The following TTLL5 variants were observed in gnomAD, a reference collection of about 807,000 sequenced individuals.
TTLL5 encodes the protein tubulin polyglutamylase TTLL5.
A neutral mutation model predicts 168.4 loss-of-function variants in TTLL5; 132 were observed. That is an observed-to-expected ratio of 0.78 (90% CI 0.68 to 0.91). The LOEUF (loss-of-function observed/expected upper bound fraction) is 0.91. TTLL5 is among the 40% of genes least tolerant of loss of function. The pLI is 0.00. For missense variants in TTLL5, 1,545 were observed against 1,581.5 expected, an observed-to-expected ratio of 0.98 and a Z score of 0.39; for synonymous variants, 546 against 558.6, an observed-to-expected ratio of 0.98 and a Z score of 0.32.
chr14:75,769,923 A>G (rs1349611701), intron 20 of TTLL5, among the ~76,000 whole-genome samples: 1 of 152,126 alleles, frequency 6.6e-6, no homozygotes, highest in Non-Finnish European at 1.5e-5. Flanking sequence ...TCATGCCTGT[A>G]ATCCCAGCAC....
chr14:75,935,092 T>C (rs2034395211), intron 31 of TTLL5, among the ~76,000 whole-genome samples: 1 of 152,226 alleles, frequency 6.6e-6, no homozygotes, highest in Admixed American at 6.5e-5. Context: ...TTTGTGGTGA[T>C]AGTGAGCTGA....
chr14:75,908,690 CT>C (rs1368199597), intron 31 of TTLL5, among the ~76,000 whole-genome samples: 3 of 152,126 alleles, frequency 2.0e-5, no homozygotes, highest in Non-Finnish European at 4.4e-5. Context: ...ATTTAAATAC[CT>C]ACATTGTTCT....
At chr14:75,705,281 C>A (rs1019945949) in intron 7 of TTLL5, among the ~76,000 whole-genome samples, 3 of 152,180 alleles carry the variant, frequency 2.0e-5, no homozygotes, top group Non-Finnish European at 4.4e-5. Context: ...GCAGTGGGAA[C>A]TGAGAGAGGA....
chr14:75,815,818 G>A (rs11159152), intron 27 of TTLL5, among the ~76,000 whole-genome samples: 138,838 of 152,294 alleles, frequency 0.91, 63,604 homozygotes, highest in African/African-American at 0.94. Flanking sequence ...TGAGCAAATT[G>A]CTTATCATAA....
chr14:75,775,429 T>C, intron 21 of TTLL5, 55 bp from the exon 22 acceptor site: 1 of 1,592,202 alleles, frequency 6.3e-7, no homozygotes, highest in South Asian at 1.1e-5. Context: ...GCTTGTCTTC[T>C]GTTGCTTAGC....
chr14:75,914,033 A>AATATATATATAT (rs1182456559), intron 31 of TTLL5, among the ~76,000 whole-genome samples: 17 of 71,054 alleles, frequency 2.4e-4, no homozygotes, highest in African/African-American at 7.8e-4. Flanking sequence ...AAAAAAAAAA[A>AATATATATATAT]ATATATATAT....
At position 75,792,997 on chromosome 14, in the gene TTLL5, G is replaced by T; in HGVS notation, c.3068G>T (p.Arg1023Leu). ...GAAGATGCTTCTTTATATAGCAAACGGTACAACCAAAGTATGGTTACAGCT... is the reference window on the plus strand; with the variant it reads ...GAAGATGCTTCTTTATATAGCAAACTGTACAACCAAAGTATGGTTACAGCT... ...EGEDASLYSK[R>L]YNQSMVTAEL... The change falls in exon 27 of 32, where the codon CGG becomes CTG. Residue 1023 changes from arginine (R) to leucine (L), a missense_variant. Arg to Leu is a moderately radical substitution (Grantham distance 102, BLOSUM62 -2). Coordinates refer to ENST00000298832, the MANE Select transcript of TTLL5 (RefSeq NM_015072.5). 1 of 1,613,544 alleles carries T rather than the reference G, an allele frequency of 6.2e-7. No individual in the cohort carries two copies. Among genetic ancestry groups the T allele is most frequent in the African/African-American group, 1.3e-5 (1 of 75,012 alleles).
rs544763497 is a variant in TTLL5, at chr14:75,928,681, G to A, written c.3824-25743G>A. Among the ~76,000 whole-genome samples, 23 of 152,064 alleles carry A rather than the reference G, an allele frequency of 1.5e-4. 1 individual carries two copies. The South Asian group carries it at 2.7e-3, about 18-fold the overall frequency. On this transcript the variant is annotated intron_variant, in intron 31 of 31. Coordinates refer to ENST00000298832, the MANE Select transcript of TTLL5 (RefSeq NM_015072.5). ...GTGTTGGGGGTAAAAGGGAATATTC[G>A]AGCATTAACCTGCCTGGTGATCGCA...
chr14:75,886,099 T>A (rs909620302), intron 30 of TTLL5, among the ~76,000 whole-genome samples: 1 of 152,324 alleles, frequency 6.6e-6, no homozygotes, highest in East Asian at 1.9e-4. Context: ...TAATGAGAAG[T>A]TGTAATGAGC....
At chr14:75,898,306 T>C (rs192814923) in intron 30 of TTLL5, among the ~76,000 whole-genome samples, 82 of 152,344 alleles carry the variant, frequency 5.4e-4, no homozygotes, top group Non-Finnish European at 8.8e-4. Context: ...GACTTTCTTA[T>C]AGCAAGGGCA....
intron 23 of TTLL5, 50 bp downstream of exon 23, chr14:75,776,900 A>C (rs775924075): frequency 1.1e-5 from 15 of 1,410,468 alleles, no homozygotes; most frequent in Admixed American, 1.8e-5. Context: ...ATCTTCCATA[A>C]TGCTCATTGA....
chr14:75,946,628 T>C (rs1393859551), intron 31 of TTLL5, among the ~76,000 whole-genome samples: 1 of 152,058 alleles, frequency 6.6e-6, no homozygotes, highest in Non-Finnish European at 1.5e-5. Flanking sequence ...TTCTAGGCAC[T>C]AGGCACAAGC....
chr14:75,895,846 A>T (rs939377055), intron 30 of TTLL5, among the ~76,000 whole-genome samples: 1 of 152,222 alleles, frequency 6.6e-6, no homozygotes, highest in Non-Finnish European at 1.5e-5. Flanking sequence ...ATGGCAGAAC[A>T]TTAGAGAACA....
Position 75,953,987 on chromosome 14 carries a change from A to G in TTLL5, c.3824-437A>G, listed in dbSNP as rs2035036022. On this transcript the variant is annotated intron_variant, in intron 31 of 31. Transcript: ENST00000298832. ...TTTGTGGCCAGGCGCAGTGGCTCACACCTGTAATCCCAGCACTTTGGGAGG... is the reference window on the plus strand; with the variant it reads ...TTTGTGGCCAGGCGCAGTGGCTCACGCCTGTAATCCCAGCACTTTGGGAGG... Among the ~76,000 whole-genome samples, 5 of 152,046 alleles carry G rather than the reference A, an allele frequency of 3.3e-5. No individual in the cohort carries two copies. In the South Asian group the frequency reaches 1.0e-3, roughly 32 times the overall value.
chr14:75,821,233 C>T (rs1370078996), intron 28 of TTLL5, among the ~76,000 whole-genome samples: 1 of 152,120 alleles, frequency 6.6e-6, no homozygotes, highest in Admixed American at 6.5e-5. Context: ...TCTTTCATAC[C>T]GGTGATCATT....
chr14:75,879,179 A>G (rs1280155435), intron 29 of TTLL5, among the ~76,000 whole-genome samples: 2 of 152,258 alleles, frequency 1.3e-5, no homozygotes, highest in Non-Finnish European at 2.9e-5. Context: ...AATACATGGT[A>G]GAATGTACTG....
In TTLL5 at chr14:75,700,987, C is replaced by T. The variant is rs887809590; in HGVS notation, c.585+1717C>T. On this transcript the variant is annotated intron_variant, in intron 7 of 31. Transcript: ENST00000298832. ...GGAAAGTTATCTTCTTATTTGTCTC[C>T]GCTTTTAGAACTCTTTTTTGAGGCA... is the stretch of plus-strand genomic sequence containing the variant. Among the ~76,000 whole-genome samples, 25 of 151,300 alleles carry T rather than the reference C, an allele frequency of 1.7e-4. 1 individual carries two copies. Among genetic ancestry groups the T allele is most frequent in the South Asian group, 6.3e-4 (3 of 4,772 alleles).
intron 30 of TTLL5, among the ~76,000 whole-genome samples, chr14:75,895,552 T>C (rs2032614593): frequency 6.6e-6 from 1 of 152,074 alleles, no homozygotes; most frequent in Admixed American, 6.6e-5. Flanking sequence ...TGTTGGAAAT[T>C]TTAAAAAAAT....
intron 6 of TTLL5, 97 bp from the exon 7 acceptor site, chr14:75,699,091 C>T (rs1886075951): frequency 9.1e-7 from 1 of 1,103,484 alleles, no homozygotes; most frequent in African/African-American, 1.5e-5. Flanking sequence ...TTTGGGTTCC[C>T]TGAGTAGATA....
Sources: gnomAD v4.1 joint callset for allele counts (sites outside exome capture counted in the v4.1 genomes callset) on GRCh38, gnomAD v4.1.1 for gene constraint, MANE v1.5 for transcripts, NCBI Gene and HGNC (gene_info 2026-07-23, HGNC 2026-07-21) for gene names.